AK6: variants seen among roughly 807,000 people sequenced by gnomAD.
AK6 encodes the protein adenylate kinase 6, also known as adenylate kinase isoenzyme 6.
AK6 carries 24 observed loss-of-function variants against 23.7 expected under a neutral mutation model. The observed-to-expected ratio is 1.01, with a 90% CI of 0.73 to 1.43. The LOEUF (loss-of-function observed/expected upper bound fraction) is 1.43, where lower values mean the gene tolerates loss of function less well. Among genes scored for constraint, AK6 ranks in the 40% most tolerant of loss-of-function variants. The pLI, the probability that AK6 is intolerant of heterozygous loss-of-function variation, is 0.00. For missense variants in AK6, 191 were observed against 199.1 expected, an observed-to-expected ratio of 0.96 and a Z score of 0.24; for synonymous variants, 73 against 69.8, an observed-to-expected ratio of 1.05 and a Z score of -0.23.
chr5:69,355,887 ATACT>A lies in AK6; in HGVS notation c.180+4_180+7del, dbSNP rs781379048. ...CAAATGCATACTTTATGAAAAAGTC[ATACT>A]TACTCTGTCTTCATCTAAAATGGGA... On this transcript the variant is annotated splice_donor_5th_base_variant and intron_variant, in intron 3 of 4. Coordinates refer to ENST00000380822, the MANE Select transcript of AK6 (RefSeq NM_016283.5). 12 of 1,607,582 alleles carry A rather than the reference ATACT, an allele frequency of 7.5e-6. No homozygotes were observed. Among genetic ancestry groups the A allele is most frequent in the Non-Finnish European group, 4.2e-6 (5 of 1,178,034 alleles).
At chr5:69,369,597 C>A (rs1248685417), upstream of AK6, 17 of 1,590,876 alleles carry the variant, frequency 1.1e-5, no homozygotes, top group South Asian at 1.5e-4. Context: ...CCAAAGGCCC[C>A]GAAGCCCACC....
chr5:69,353,518 G>C (rs541345376), intron 4 of AK6, among the ~76,000 whole-genome samples: 5 of 151,784 alleles, frequency 3.3e-5, no homozygotes, highest in Admixed American at 2.0e-4. Flanking sequence ...GGCTGGTCTC[G>C]AACTCCTGAC....
chr5:69,354,929 C>T (rs1762042467), intron 4 of AK6, among the ~76,000 whole-genome samples: 2 of 152,094 alleles, frequency 1.3e-5, no homozygotes, highest in Non-Finnish European at 1.5e-5. Context: ...AGGTTCACGT[C>T]GTTCTCCTGC....
intron 4 of AK6, among the ~76,000 whole-genome samples, chr5:69,352,491 T>C (rs567944190): frequency 6.6e-6 from 1 of 151,668 alleles, no homozygotes; most frequent in East Asian, 1.9e-4. Flanking sequence ...CCCCACAATT[T>C]GTCAGCTACT....
chr5:69,354,131 G>A (rs528057429), intron 4 of AK6, among the ~76,000 whole-genome samples: 1 of 151,880 alleles, frequency 6.6e-6, no homozygotes, highest in Non-Finnish European at 1.5e-5. Flanking sequence ...CAACCTTTTC[G>A]ATAGTTAAAA....
At chr5:69,355,518 G>A in intron 4 of AK6, 131 bp downstream of exon 4, 5 of 978,786 alleles carry the variant, frequency 5.1e-6, no homozygotes, top group Non-Finnish European at 5.9e-6. Flanking sequence ...GTGACAGCGA[G>A]ACTCTATCTC....
At chr5:69,369,527 G>A (rs750116889), upstream of AK6, 23 of 1,611,114 alleles carry the variant, frequency 1.4e-5, no homozygotes, top group Middle Eastern at 3.5e-4. Flanking sequence ...CCTCGCTCAC[G>A]TGCCCTTTGC....
At chr5:69,363,063 C>CA (rs1422243195) in intron 2 of AK6, among the ~76,000 whole-genome samples, 5 of 152,002 alleles carry the variant, frequency 3.3e-5, no homozygotes, top group African/African-American at 1.2e-4. Flanking sequence ...CCTGTCTCTG[C>CA]AAAAATAATT....
chr5:69,365,900 T>A (rs1002734364), intron 2 of AK6: 1 of 502,566 alleles, frequency 2.0e-6, no homozygotes, highest in Non-Finnish European at 3.3e-6. Flanking sequence ...TTTCTTAATT[T>A]TAATGAGGCA....
At chr5:69,364,259 G>T (rs776901171) in intron 2 of AK6, among the ~76,000 whole-genome samples, 1 of 151,056 alleles carries the variant, frequency 6.6e-6, no homozygotes, top group Non-Finnish European at 1.5e-5. Context: ...ATCAGCCCTG[G>T]ATCAAAAATG....
intron 2 of AK6, chr5:69,365,073 T>C (rs768767342): frequency 3.7e-6 from 6 of 1,614,220 alleles, no homozygotes; most frequent in Admixed American, 1.7e-5. Flanking sequence ...AAGAATGTTT[T>C]TGGACCCGAT....
rs1230185097 is a variant in AK6, at chr5:69,351,323, G to A, written c.*738C>T. The A allele has an allele frequency of 2.6e-5, 4 of 152,070 alleles. No homozygotes were observed. Among genetic ancestry groups the A allele is most frequent in the South Asian group, 2.1e-4 (1 of 4,818 alleles). 9.4% of individuals were successfully genotyped at this position (152,070 alleles called of 1,614,324 possible). ...ATTACAGGCATAAGCCACCATACCC[G>A]GTTCTGATTATACACTTCAAAATGG... On this transcript the variant is annotated 3_prime_UTR_variant, in exon 5 of 5. Transcript: ENST00000380822.
At chr5:69,364,737 C>A in intron 2 of AK6, 2 of 651,664 alleles carry the variant, frequency 3.1e-6, no homozygotes, top group South Asian at 4.1e-5. Context: ...GCCAAAGCAC[C>A]AACAATCGAA....
chr5:69,352,314 A>G, intron 4 of AK6, 61 bp from the exon 5 acceptor site: 5 of 1,349,422 alleles, frequency 3.7e-6, no homozygotes, highest in Non-Finnish European at 5.2e-6. Flanking sequence ...CTGGAGTTTC[A>G]GAAACATACC....
intron 2 of AK6, among the ~76,000 whole-genome samples, chr5:69,362,414 G>A (rs1762264701): frequency 6.6e-6 from 1 of 152,192 alleles, no homozygotes; most frequent in Non-Finnish European, 1.5e-5. Flanking sequence ...AAATAAAAAT[G>A]AGGTTAGTTG....
chr5:69,365,313 C>T lies in AK6; in HGVS notation c.121+1190G>A, dbSNP rs1006616410. 5.6e-6 allele frequency: 9 copies of T among 1,614,110 alleles called. No homozygotes were observed. The African/African-American group carries it at 1.1e-4, about 19-fold the overall frequency. On this transcript the variant is annotated intron_variant, in intron 2 of 4. Transcript: ENST00000380822. ...AACACTTAACCGCGGGACTGTTATT[C>T]TTCCCGCAGAAGTTGATGCCTTTTT...
chr5:69,361,572 G>A (rs1762237202), intron 2 of AK6, among the ~76,000 whole-genome samples: 1 of 151,670 alleles, frequency 6.6e-6, no homozygotes, highest in Non-Finnish European at 1.5e-5. Context: ...CTGAGTAGCT[G>A]GGATTACAGG....
chr5:69,368,036 C>G (rs1408339725), intron 1 of AK6: 1 of 152,132 alleles, frequency 6.6e-6, no homozygotes, highest in Non-Finnish European at 1.5e-5. Context: ...CAAAACTGTT[C>G]ATGTTAAAAT....
chr5:69,361,930 G>A (rs995858098), intron 2 of AK6, among the ~76,000 whole-genome samples: 4 of 148,482 alleles, frequency 2.7e-5, no homozygotes, highest in African/African-American at 9.9e-5. Flanking sequence ...TTACAGGCAT[G>A]AGCCACCACC....
Sources: gnomAD v4.1 joint callset for allele counts (sites outside exome capture counted in the v4.1 genomes callset) on GRCh38, gnomAD v4.1.1 for gene constraint, MANE v1.5 for transcripts, NCBI Gene and HGNC (gene_info 2026-07-23, HGNC 2026-07-21) for gene names.